CPQ: variants seen among roughly 807,000 people sequenced by gnomAD.
The protein encoded by CPQ is Ser-Met dipeptidase.
In CPQ, 37 loss-of-function variants were observed where a neutral mutation model predicts 45.7. The observed-to-expected ratio is 0.81, with a 90% confidence interval of 0.62 to 1.07. The LOEUF is 1.07. CPQ is among the 50% of genes least tolerant of loss of function. The probability of loss-of-function intolerance (pLI) is 0.00; values close to 1 mark genes in which losing one functional copy is unlikely to be tolerated. For synonymous variants in CPQ, 186 were observed against 205.8 expected (o/e 0.90, Z 0.82); for missense variants, 537 against 572.9 (o/e 0.94, Z 0.64).
chr8:96,917,930 A>G (rs1385121036), intron 4 of CPQ, among the ~76,000 whole-genome samples: 2 of 152,118 alleles, frequency 1.3e-5, no homozygotes. Flanking sequence ...TCCTGTGGAG[A>G]ACAGCTGTAT....
intron 5 of CPQ, among the ~76,000 whole-genome samples, chr8:97,019,515 G>A (rs967085605): frequency 3.9e-5 from 6 of 152,050 alleles, no homozygotes; most frequent in African/African-American, 1.4e-4. Flanking sequence ...ATAAACTTAA[G>A]GTAAACGGAT....
intron 3 of CPQ, among the ~76,000 whole-genome samples, chr8:96,840,312 C>T (rs115543890): frequency 1.4e-3 from 209 of 152,202 alleles, no homozygotes; most frequent in African/African-American, 4.7e-3. Flanking sequence ...AGAGACCAGG[C>T]TTGAAGAATT....
chr8:96,740,985 T>G (rs1164376918), intron 1 of CPQ, among the ~76,000 whole-genome samples: 1 of 152,240 alleles, frequency 6.6e-6, no homozygotes, highest in Admixed American at 6.5e-5. Flanking sequence ...GATGCTGGCC[T>G]CATAAAATGA....
intron 6 of CPQ, among the ~76,000 whole-genome samples, chr8:97,060,559 T>G (rs1190208390): frequency 3.9e-5 from 6 of 152,072 alleles, no homozygotes. Flanking sequence ...AAATAGGGGG[T>G]TTACAGATAA....
chr8:97,123,357 A>G (rs1811791104), intron 7 of CPQ, among the ~76,000 whole-genome samples: 1 of 149,604 alleles, frequency 6.7e-6, no homozygotes, highest in Non-Finnish European at 1.5e-5. Flanking sequence ...TAAAGATATA[A>G]TAATGATATA....
intron 7 of CPQ, among the ~76,000 whole-genome samples, chr8:97,107,755 G>T (rs56340342): frequency 0.087 from 13,196 of 151,950 alleles, 705 homozygotes; most frequent in Non-Finnish European, 0.1. Flanking sequence ...GCTCTCTGAG[G>T]TGGTGGGGAA....
rs111480880 is a variant in CPQ at position 96,875,877 on chromosome 8, A to G, written c.642-3921A>G. Among the ~76,000 whole-genome samples the G allele has an allele frequency of 1.6e-3, 248 of 152,150 alleles. 2 individuals carry two copies. Among genetic ancestry groups the G allele is most frequent in the African/African-American group, 5.8e-3 (241 of 41,582 alleles). The stretch of plus-strand genomic sequence containing the variant: ...GATATGGATTGCGTTAAATCCATAA[A>G]TCAACTTGAGGGGCATTGCCATGTT... On this transcript the variant is annotated intron_variant, in intron 3 of 7. Coordinates refer to ENST00000220763, the MANE Select transcript of CPQ (RefSeq NM_016134.4).
intron 6 of CPQ, among the ~76,000 whole-genome samples, chr8:97,043,047 C>A (rs1810160281): frequency 6.6e-6 from 1 of 151,120 alleles, no homozygotes; most frequent in African/African-American, 2.4e-5. Context: ...TCCTTGTTAA[C>A]TTTCTGTCTC....
chr8:97,090,770 TG>T (rs1811112920), intron 7 of CPQ, among the ~76,000 whole-genome samples: 1 of 152,070 alleles, frequency 6.6e-6, no homozygotes. Context: ...AGGAGCTGAG[TG>T]GGGGACAGTT....
intron 5 of CPQ, among the ~76,000 whole-genome samples, chr8:97,025,530 G>A (rs1586501107): frequency 1.3e-5 from 2 of 152,048 alleles, no homozygotes; most frequent in Non-Finnish European, 2.9e-5. Flanking sequence ...GCTAAGACTC[G>A]GCATGGTCCT....
At chr8:96,663,025 G>C (rs1808862974) in intron 1 of CPQ, among the ~76,000 whole-genome samples, 1 of 152,148 alleles carries the variant, frequency 6.6e-6, no homozygotes. Context: ...AAACTTTCTA[G>C]AGAATGGGTA....
At chr8:96,762,247 T>A (rs549761012) in intron 1 of CPQ, among the ~76,000 whole-genome samples, 1 of 152,280 alleles carries the variant, frequency 6.6e-6, no homozygotes, top group African/African-American at 2.4e-5. Flanking sequence ...ATGAAGGCAC[T>A]GTGTATGAGG....
chr8:97,023,110 C>CAATGTATAT, intron 5 of CPQ, among the ~76,000 whole-genome samples: 1 of 99,048 alleles, frequency 1.0e-5, no homozygotes, highest in Non-Finnish European at 2.5e-5. Flanking sequence ...TATATATACA[C>CAATGTATAT]ACTATATATA....
intron 3 of CPQ, among the ~76,000 whole-genome samples, chr8:96,870,258 C>T (rs1314201684): frequency 6.6e-6 from 1 of 151,940 alleles, no homozygotes; most frequent in African/African-American, 2.4e-5. Context: ...GAATAAAATC[C>T]TGGTCACAAA....
chr8:96,776,166 TA>T (rs1405974603), intron 1 of CPQ, among the ~76,000 whole-genome samples: 1 of 152,156 alleles, frequency 6.6e-6, no homozygotes, highest in Non-Finnish European at 1.5e-5. Flanking sequence ...GAGCTTTGAA[TA>T]AAGGCAAAAA....
intron 2 of CPQ, among the ~76,000 whole-genome samples, chr8:96,814,807 A>G (rs1211153338): frequency 6.6e-6 from 1 of 152,218 alleles, no homozygotes. Flanking sequence ...GTATAGCCAT[A>G]CAACAGAATA....
chr8:96,946,419 C>A (rs1442354899), intron 4 of CPQ, among the ~76,000 whole-genome samples: 1 of 151,600 alleles, frequency 6.6e-6, no homozygotes, highest in Non-Finnish European at 1.5e-5. Context: ...CAAGATAAAT[C>A]TGTTTGGGAG....
chr8:96,860,233 AC>A (rs1289810297), intron 3 of CPQ, among the ~76,000 whole-genome samples: 1 of 152,172 alleles, frequency 6.6e-6, no homozygotes, highest in Admixed American at 6.6e-5. Flanking sequence ...CAAGAGTTTA[AC>A]ACATTTTCTA....
chr8:96,821,126 A>ATTTTTTTTTTTTTTTTTT (rs572906188), intron 2 of CPQ, among the ~76,000 whole-genome samples: 2 of 60,932 alleles, frequency 3.3e-5, no homozygotes, highest in Non-Finnish European at 5.9e-5. Context: ...TTTAATCTGA[A>ATTTTTTTTTTTTTTTTTT]TTTTTTTTTT....
Sources: allele counts gnomAD v4.1 joint callset (sites outside exome capture counted in the v4.1 genomes callset), GRCh38; gene constraint gnomAD v4.1.1; transcripts MANE v1.5; gene names NCBI Gene and HGNC (gene_info 2026-07-23, HGNC 2026-07-21).